The following HSD17B4 variants were observed in gnomAD, a reference collection of about 807,000 sequenced individuals.
The protein encoded by HSD17B4 is peroxisomal multifunctional enzyme type 2.
A neutral mutation model predicts 101.0 loss-of-function variants in HSD17B4; 70 were observed. The observed-to-expected ratio is 0.69, with a 90% confidence interval of 0.57 to 0.85. The LOEUF (loss-of-function observed/expected upper bound fraction) is 0.85, where lower values mean the gene tolerates loss of function less well. Ranked by LOEUF, HSD17B4 falls within the 40% of genes least tolerant of loss-of-function variation. HSD17B4 has a pLI of 0.00. For synonymous variants in HSD17B4, 347 were observed against 297.1 expected, an observed-to-expected ratio of 1.17 and a Z score of -1.73; for missense variants, 984 against 892.4, an observed-to-expected ratio of 1.10 and a Z score of -1.31.
In HSD17B4 at chr5:119,542,037, T is replaced by G. The variant is rs777226723; in HGVS notation, c.*43T>G. The G allele has an allele frequency of 3.2e-6, 4 of 1,257,830 alleles. No homozygotes were observed. The highest frequency in any genetic ancestry group is 4.7e-6 in the Non-Finnish European group (4 of 857,686). 77.9% of individuals were successfully genotyped at this position (1,257,830 alleles called of 1,614,324 possible). A position where few individuals can be genotyped will look rare whatever the true frequency, so the allele number is the denominator to read the frequency against. On this transcript the variant is annotated 3_prime_UTR_variant, in exon 24 of 24. Transcript: ENST00000510025. ...TAATAAAAATGGAATCATTAAATAC[T>G]CTCTTCACCCAAATATGCTTGATTA... is the stretch of plus-strand genomic sequence containing the variant.
intron 11 of HSD17B4, 72 bp downstream of exon 11, chr5:119,494,018 G>A: frequency 4.7e-6 from 7 of 1,495,788 alleles, no homozygotes; most frequent in Non-Finnish European, 6.5e-6. Flanking sequence ...CTCTTATGTA[G>A]TTGTCTTCTA....
intron 10 of HSD17B4, chr5:119,493,000 G>C (rs1241232355): frequency 1.3e-5 from 2 of 152,028 alleles, no homozygotes; most frequent in Non-Finnish European, 2.9e-5. Context: ...TTGTTAAAGT[G>C]GCTTATATTC....
At chr5:119,521,159 G>A (rs1753082360) in intron 17 of HSD17B4, among the ~76,000 whole-genome samples, 1 of 152,142 alleles carries the variant, frequency 6.6e-6, no homozygotes, top group African/African-American at 2.4e-5. Flanking sequence ...CTAGATACTT[G>A]AAGGGACAGC....
chr5:119,530,063 T>G (rs1753931491), intron 21 of HSD17B4, 83 bp downstream of exon 21: 3 of 819,664 alleles, frequency 3.7e-6, no homozygotes, highest in Admixed American at 1.7e-5. Flanking sequence ...TTAGGCTACG[T>G]TAGAAAATTA....
intron 2 of HSD17B4, among the ~76,000 whole-genome samples, chr5:119,468,882 T>C (rs898968712): frequency 9.2e-5 from 14 of 151,826 alleles, no homozygotes; most frequent in Non-Finnish European, 7.4e-5. Flanking sequence ...TTTTGCTTGA[T>C]GTAGTCTGTT....
rs1192300477 is a variant in HSD17B4 at position 119,452,580 on chromosome 5, G to C, written c.5G>C (p.Gly2Ala). The C allele has an allele frequency of 6.2e-7, 1 of 1,614,030 alleles. No individual in the cohort carries two copies. Among genetic ancestry groups the C allele is most frequent in the Non-Finnish European group, 8.5e-7 (1 of 1,179,998 alleles). Residue 2 changes from glycine (G) to alanine (A), a missense_variant, in exon 1 of 24, where the codon GGC becomes GCC. Transcript: ENST00000510025. M[G>A]SPLRFDGRVV... ...GTGTCGTTGCAGGCCTTATTCATGG[G>C]CTCACCGCTGAGGTTCGACGGGCGG...
chr5:119,516,880 ACAGT>A (rs1054792569), intron 17 of HSD17B4, among the ~76,000 whole-genome samples: 8 of 152,384 alleles, frequency 5.2e-5, no homozygotes, highest in African/African-American at 1.9e-4. Flanking sequence ...GGTGTAACAG[ACAGT>A]CAGAGAAGGG....
intron 16 of HSD17B4, among the ~76,000 whole-genome samples, chr5:119,512,716 T>C (rs2126826851): frequency 6.6e-6 from 1 of 152,360 alleles, no homozygotes; most frequent in Middle Eastern, 3.4e-3. Flanking sequence ...CTAAATAAAG[T>C]TCTTCAGATT....
chr5:119,500,396 A>G (rs188170627), intron 13 of HSD17B4, among the ~76,000 whole-genome samples: 134 of 152,230 alleles, frequency 8.8e-4, no homozygotes, highest in African/African-American at 3.1e-3. Context: ...TATGTAATGT[A>G]TAATTATGTA....
At chr5:119,524,141 C>T (rs1443812521) in intron 17 of HSD17B4, among the ~76,000 whole-genome samples, 1 of 151,822 alleles carries the variant, frequency 6.6e-6, no homozygotes, top group Non-Finnish European at 1.5e-5. Flanking sequence ...TATTTGATTT[C>T]ATTATATTAA....
chr5:119,492,584 G>A (rs572698768), intron 10 of HSD17B4: 9 of 162,256 alleles, frequency 5.5e-5, no homozygotes, highest in East Asian at 3.3e-4. Flanking sequence ...AGCAGGAGAC[G>A]TCAAGGGGAG....
chr5:119,493,980 G>C (rs768054028), intron 11 of HSD17B4, 34 bp downstream of exon 11: 1 of 1,609,966 alleles, frequency 6.2e-7, no homozygotes, highest in South Asian at 1.1e-5. Flanking sequence ...GCCCTGGTTG[G>C]GGAATCAGAG....
At chr5:119,454,002 G>A (rs1481730624) in intron 1 of HSD17B4, among the ~76,000 whole-genome samples, 1 of 152,158 alleles carries the variant, frequency 6.6e-6, no homozygotes, top group Non-Finnish European at 1.5e-5. Context: ...ATCATTCAAG[G>A]ATAGGGACTG....
chr5:119,473,273 CTTTTTTTTTTTT>C (rs11408993), intron 2 of HSD17B4, among the ~76,000 whole-genome samples: 852 of 37,016 alleles, frequency 0.023, 21 homozygotes, highest in African/African-American at 0.086. Flanking sequence ...GTGGATGAAT[CTTTTTTTTTTTT>C]TTTTTTTTTT....
chr5:119,489,421 T>G, intron 9 of HSD17B4, 138 bp downstream of exon 9: 2 of 666,450 alleles, frequency 3.0e-6, no homozygotes, highest in South Asian at 3.4e-5. Flanking sequence ...CTAATATCCA[T>G]TTTTTGGAAA....
chr5:119,467,613 T>A lies in HSD17B4; in HGVS notation c.113-6295T>A, dbSNP rs1755940029. Reference sequence around the variant, plus strand: ...TATCTGATGTAAGTGTATCGTTGACTCTTAAACAACATAGGTTTGAATTGT... The same window carrying A: ...TATCTGATGTAAGTGTATCGTTGACACTTAAACAACATAGGTTTGAATTGT... On this transcript the variant is annotated intron_variant, in intron 2 of 23. Coordinates refer to ENST00000510025, the MANE Select transcript of HSD17B4 (RefSeq NM_000414.4). Among the ~76,000 whole-genome samples, 4 of 152,364 alleles carry A rather than the reference T, an allele frequency of 2.6e-5. No individual in the cohort carries two copies. In the South Asian group the frequency reaches 8.3e-4, roughly 32 times the overall value.
intron 1 of HSD17B4, among the ~76,000 whole-genome samples, chr5:119,455,080 TA>T (rs958896947): frequency 1.3e-5 from 2 of 152,210 alleles, no homozygotes; most frequent in African/African-American, 4.8e-5. Flanking sequence ...ATACACATAT[TA>T]AAAAATGTAA....
rs1418985475 is a variant in HSD17B4 at position 119,479,022 on chromosome 5, G to T, written c.622+1G>T. The T allele has an allele frequency of 1.2e-6, 2 of 1,610,072 alleles. No individual in the cohort carries two copies. The highest frequency in any genetic ancestry group is 2.2e-5 in the South Asian group (2 of 91,012). Reference sequence around the variant, plus strand: ...ATGACTCAGACAGTTATGCCTGAAGGTAAGTAAGCAAGCTTATATTTTTCA... The same window carrying T: ...ATGACTCAGACAGTTATGCCTGAAGTTAAGTAAGCAAGCTTATATTTTTCA... On this transcript the variant is annotated splice_donor_variant, in intron 8 of 23. Transcript: ENST00000510025. LOFTEE classifies it high-confidence loss of function.
intron 2 of HSD17B4, chr5:119,456,679 C>T (rs1213175425): frequency 9.9e-6 from 4 of 404,404 alleles, no homozygotes; most frequent in Non-Finnish European, 1.8e-5. Flanking sequence ...ACCAGGAGTT[C>T]GAGCCTGCAG....
Sources: gnomAD v4.1 joint callset for allele counts (sites outside exome capture counted in the v4.1 genomes callset) on GRCh38, gnomAD v4.1.1 for gene constraint, MANE v1.5 for transcripts, NCBI Gene and HGNC (gene_info 2026-07-23, HGNC 2026-07-21) for gene names.